Variants in CDH18 observed in about 807,000 individuals in gnomAD.
CDH18 encodes the protein cadherin 18.
In CDH18, 31 loss-of-function variants were observed where a neutral mutation model predicts 67.9. That is an observed-to-expected ratio of 0.46 (90% CI 0.34 to 0.62). The LOEUF (loss-of-function observed/expected upper bound fraction) is 0.62, where lower values mean the gene tolerates loss of function less well. CDH18 is among the 20% of genes least tolerant of loss of function. The pLI, the probability that CDH18 is intolerant of heterozygous loss-of-function variation, is 0.01. For missense variants in CDH18, 890 were observed against 975.5 expected (o/e 0.91, Z 1.17); for synonymous variants, 362 against 347.2 (o/e 1.04, Z -0.48).
At chr5:20,044,174 TAA>T (rs66616939) in intron 2 of CDH18, among the ~76,000 whole-genome samples, 14 of 150,964 alleles carry the variant, frequency 9.3e-5, no homozygotes, top group Non-Finnish European at 1.6e-4. Context: ...ATTTAACTGT[TAA>T]AAAAAAAACA....
chr5:19,894,855 T>C (rs991404404), intron 2 of CDH18, among the ~76,000 whole-genome samples: 2 of 152,150 alleles, frequency 1.3e-5, no homozygotes, highest in African/African-American at 4.8e-5. Flanking sequence ...GAAGAATTTC[T>C]TAGGGTCTCA....
At chr5:20,438,954 CT>C (rs1001359788) in intron 1 of CDH18, among the ~76,000 whole-genome samples, 1 of 151,240 alleles carries the variant, frequency 6.6e-6, no homozygotes, top group African/African-American at 2.4e-5. Flanking sequence ...AGTTCCATGC[CT>C]TTTTAAAAAA....
At chr5:20,356,082 T>C (rs1259918927) in intron 1 of CDH18, among the ~76,000 whole-genome samples, 1 of 152,158 alleles carries the variant, frequency 6.6e-6, no homozygotes, top group African/African-American at 2.4e-5. Context: ...AAACCCACTC[T>C]AAAATTAAAA....
At chr5:19,827,213 T>G (rs6451476) in intron 3 of CDH18, among the ~76,000 whole-genome samples, 15,061 of 151,942 alleles carry the variant, frequency 0.099, 806 homozygotes, top group African/African-American at 0.14. Flanking sequence ...CCAAACAGGA[T>G]GTCCCAAGTT....
At chr5:20,003,302 T>C (rs1736598534) in intron 2 of CDH18, among the ~76,000 whole-genome samples, 3 of 152,080 alleles carry the variant, frequency 2.0e-5, no homozygotes, top group African/African-American at 7.2e-5. Context: ...TGTGTTTGTG[T>C]GTGTGTGTGT....
At chr5:19,969,278 C>T (rs1362569835) in intron 2 of CDH18, among the ~76,000 whole-genome samples, 1 of 140,536 alleles carries the variant, frequency 7.1e-6, no homozygotes, top group Admixed American at 6.8e-5. Flanking sequence ...TTGTGGAAGT[C>T]AGTGTGGCGA....
intron 2 of CDH18, among the ~76,000 whole-genome samples, chr5:19,974,828 G>A (rs1026116968): frequency 5.3e-5 from 8 of 152,088 alleles, no homozygotes; most frequent in Non-Finnish European, 1.0e-4. Flanking sequence ...GGGATCCAGG[G>A]TGCAGGGGGT....
chr5:19,483,562 A>G lies in CDH18; in HGVS notation c.1631-10T>C. 1 of 1,586,396 alleles carries G rather than the reference A, an allele frequency of 6.3e-7. No homozygotes were observed. Among genetic ancestry groups the G allele is most frequent in the Non-Finnish European group, 8.6e-7 (1 of 1,164,664 alleles). The stretch of plus-strand genomic sequence containing the variant: ...ATGCTGGCTGTGTTATCTATGATAG[A>G]CATAAGCAAAACAAAATACACTTAG... On this transcript the variant is annotated splice_polypyrimidine_tract_variant and intron_variant, in intron 11 of 12. Transcript: ENST00000382275.
At chr5:20,302,480 C>A (rs1736028765) in intron 1 of CDH18, among the ~76,000 whole-genome samples, 1 of 152,060 alleles carries the variant, frequency 6.6e-6, no homozygotes, top group Admixed American at 6.5e-5. Context: ...TACAAGCTCA[C>A]CTCTCTCTGC....
chr5:20,013,401 C>T (rs976712275), intron 2 of CDH18, among the ~76,000 whole-genome samples: 1 of 152,038 alleles, frequency 6.6e-6, no homozygotes, highest in African/African-American at 2.4e-5. Context: ...ATAGTTACGA[C>T]CCTGATAAGT....
At chr5:19,530,936 C>T (rs911533359) in intron 9 of CDH18, among the ~76,000 whole-genome samples, 2 of 152,166 alleles carry the variant, frequency 1.3e-5, no homozygotes, top group Non-Finnish European at 2.9e-5. Context: ...TGCTTCGGCT[C>T]GCGCATGGTG....
At chr5:20,139,375 C>G (rs1750038618) in intron 2 of CDH18, among the ~76,000 whole-genome samples, 1 of 152,042 alleles carries the variant, frequency 6.6e-6, no homozygotes, top group African/African-American at 2.4e-5. Context: ...AGAAGAAAAC[C>G]CAGGAAATTC....
At chr5:20,498,636 T>G (rs1754054358) in intron 1 of CDH18, among the ~76,000 whole-genome samples, 1 of 152,098 alleles carries the variant, frequency 6.6e-6, no homozygotes, top group Admixed American at 6.6e-5. Context: ...AATAATCCTT[T>G]AGTTGATAAC....
At chr5:19,504,161 A>G (rs554227018) in intron 10 of CDH18, among the ~76,000 whole-genome samples, 58 of 152,154 alleles carry the variant, frequency 3.8e-4, no homozygotes, top group African/African-American at 1.3e-3. Flanking sequence ...AAGTACTGAG[A>G]AGTGGGGGTG....
intron 2 of CDH18, among the ~76,000 whole-genome samples, chr5:20,030,158 G>C (rs1425597030): frequency 6.6e-6 from 1 of 152,100 alleles, no homozygotes; most frequent in Admixed American, 6.5e-5. Context: ...AATGGCTGAG[G>C]GCCACCCAAG....
chr5:19,564,942 G>T (rs956117286), intron 8 of CDH18, among the ~76,000 whole-genome samples: 2 of 152,066 alleles, frequency 1.3e-5, no homozygotes, highest in African/African-American at 4.8e-5. Context: ...ACCACATGGG[G>T]AGAAACTCCT....
intron 6 of CDH18, among the ~76,000 whole-genome samples, chr5:19,600,321 C>T (rs754119744): frequency 6.6e-6 from 1 of 151,676 alleles, no homozygotes; most frequent in Non-Finnish European, 1.5e-5. Flanking sequence ...ACGTTGTGCA[C>T]ATCTACCCTA....
intron 2 of CDH18, among the ~76,000 whole-genome samples, chr5:19,874,457 T>C (rs1028215068): frequency 6.6e-6 from 1 of 152,184 alleles, no homozygotes; most frequent in Admixed American, 6.5e-5. Context: ...GTAACCATCC[T>C]AACATAACTA....
intron 5 of CDH18, among the ~76,000 whole-genome samples, chr5:19,699,818 C>T (rs1763002028): frequency 6.6e-6 from 1 of 151,966 alleles, no homozygotes; most frequent in Admixed American, 6.6e-5. Flanking sequence ...TTAAGCCACC[C>T]AGTCTATGAT....
Sources: gnomAD v4.1 joint callset for allele counts (sites outside exome capture counted in the v4.1 genomes callset) on GRCh38, gnomAD v4.1.1 for gene constraint, MANE v1.5 for transcripts, NCBI Gene and HGNC (gene_info 2026-07-23, HGNC 2026-07-21) for gene names.